MEF2C: variants seen among roughly 807,000 people sequenced by gnomAD.
The protein encoded by MEF2C is myocyte enhancer factor 2C, also known as myocyte-specific enhancer factor 2C.
Under a neutral mutation model 50.5 loss-of-function variants are expected in MEF2C, and 6 were observed. That is an observed-to-expected ratio of 0.12 (90% CI 0.07 to 0.23). The LOEUF (loss-of-function observed/expected upper bound fraction) is 0.23, where lower values mean the gene tolerates loss of function less well. MEF2C is among the 10% of genes least tolerant of loss of function. The pLI, the probability that MEF2C is intolerant of heterozygous loss-of-function variation, is 1.00. For missense variants in MEF2C, 276 were observed against 605.0 expected (o/e 0.46, Z 5.70); for synonymous variants, 183 against 228.0 (o/e 0.80, Z 1.78).
intron 1 of MEF2C, among the ~76,000 whole-genome samples, chr5:88,838,049 T>TATCAATATACCAATATTGG (rs574987399): frequency 1.1e-3 from 166 of 152,306 alleles, no homozygotes; most frequent in African/African-American, 3.8e-3. Flanking sequence ...AATATCAATA[T>TATCAATATACCAATATTGG]ATCAATATAC....
At chr5:88,851,565 A>T (rs180750142) in intron 1 of MEF2C, among the ~76,000 whole-genome samples, 2 of 152,116 alleles carry the variant, frequency 1.3e-5, no homozygotes, top group African/African-American at 4.8e-5. Context: ...AAACCCACTC[A>T]ATATAAACAG....
chr5:88,881,161 A>C (rs548631400), intron 1 of MEF2C: 1 of 152,300 alleles, frequency 6.6e-6, no homozygotes, highest in East Asian at 1.9e-4. Context: ...ATTTTAAGCA[A>C]ATGTTATGTT....
At position 88,739,136 on chromosome 5, in the gene MEF2C, G is replaced by T. The variant is rs541835097; in HGVS notation, c.638-7235C>A. 4,882 of 985,046 alleles carry T rather than the reference G, an allele frequency of 5.0e-3. 10 individuals carry two copies. The highest frequency in any genetic ancestry group is 5.7e-3 in the Non-Finnish European group (4,718 of 829,690). 61.0% of individuals were successfully genotyped at this position (985,046 alleles called of 1,614,324 possible). A position where few individuals can be genotyped will look rare whatever the true frequency, so the allele number is the denominator to read the frequency against. ...ACAGTGAAATGTCCAGTATTTTTTAGTATCTGCGATTAGTTGTTACCCGGG... is the reference window on the plus strand; with the variant it reads ...ACAGTGAAATGTCCAGTATTTTTTATTATCTGCGATTAGTTGTTACCCGGG... On this transcript the variant is annotated intron_variant, in intron 6 of 10. Coordinates refer to ENST00000504921, the MANE Select transcript of MEF2C (RefSeq NM_002397.5).
intron 4 of MEF2C, among the ~76,000 whole-genome samples, chr5:88,753,725 T>C (rs922306215): frequency 1.2e-4 from 18 of 152,168 alleles, no homozygotes; most frequent in Non-Finnish European, 4.4e-5. Context: ...AATAAAAATG[T>C]TCAAGTGATA....
At chr5:88,869,252 C>CATATATATATATATATATATATATACAT (rs1335766607) in intron 1 of MEF2C, among the ~76,000 whole-genome samples, 6 of 89,982 alleles carry the variant, frequency 6.7e-5, no homozygotes, top group South Asian at 7.3e-4. Flanking sequence ...AACTAGTTTT[C>CATATATATATATATATATATATATACAT]ATATATATAT....
chr5:88,870,305 A>C (rs896896964), intron 1 of MEF2C, among the ~76,000 whole-genome samples: 1 of 152,102 alleles, frequency 6.6e-6, no homozygotes, highest in East Asian at 1.9e-4. Flanking sequence ...TGAATATAAA[A>C]GTTTCTTAGA....
At chr5:88,742,182 C>A in intron 6 of MEF2C, 2 of 985,316 alleles carry the variant, frequency 2.0e-6, no homozygotes, top group Non-Finnish European at 2.4e-6. Context: ...AACCAAATCC[C>A]CCCTTCAGCA....
intron 10 of MEF2C, among the ~76,000 whole-genome samples, chr5:88,726,050 A>C (rs367606230): frequency 2.0e-5 from 3 of 152,300 alleles, no homozygotes; most frequent in African/African-American, 7.2e-5. Context: ...TGGTTAGATA[A>C]AATCAGATAC....
At chr5:88,807,100 CTA>C (rs1800792572) in intron 2 of MEF2C, among the ~76,000 whole-genome samples, 1 of 152,162 alleles carries the variant, frequency 6.6e-6, no homozygotes, top group Non-Finnish European at 1.5e-5. Context: ...AATAATTACA[CTA>C]TTTTATCATA....
chr5:88,801,338 G>A (rs1229721407), intron 3 of MEF2C, among the ~76,000 whole-genome samples: 3 of 152,010 alleles, frequency 2.0e-5, no homozygotes, highest in Admixed American at 6.5e-5. Flanking sequence ...TTTTACCCAG[G>A]AGCAGTAAAC....
At chr5:88,797,224 G>A (rs988634469) in intron 3 of MEF2C, among the ~76,000 whole-genome samples, 5 of 152,056 alleles carry the variant, frequency 3.3e-5, no homozygotes, top group Non-Finnish European at 7.3e-5. Context: ...TGACAGTGGG[G>A]TGTTAAAGTC....
At chr5:88,868,595 T>C (rs1561415179) in intron 1 of MEF2C, among the ~76,000 whole-genome samples, 2 of 152,176 alleles carry the variant, frequency 1.3e-5, no homozygotes, top group Non-Finnish European at 2.9e-5. Flanking sequence ...GTCTACTTTC[T>C]TGTAACACAC....
chr5:88,785,096 T>C (rs904765694), intron 3 of MEF2C, among the ~76,000 whole-genome samples: 3 of 152,138 alleles, frequency 2.0e-5, no homozygotes, highest in African/African-American at 7.2e-5. Flanking sequence ...AATTATCGTC[T>C]TTTGTCTCAA....
chr5:88,748,208 C>T, intron 6 of MEF2C: 1 of 982,838 alleles, frequency 1.0e-6, no homozygotes, highest in Admixed American at 6.2e-5. Context: ...TCTACTTGAC[C>T]CTGGCAAAAT....
chr5:88,823,847 C>G lies in MEF2C; in HGVS notation c.-59G>C. On this transcript the variant is annotated 5_prime_UTR_variant, in exon 2 of 11. Coordinates refer to ENST00000504921, the MANE Select transcript of MEF2C (RefSeq NM_002397.5). ...AATTATGTATTTTTTCCTTCCTTTT[C>G]TTTCTCTTTCCTGTTTCCTCCAAAC... 1 of 1,601,272 alleles carries G rather than the reference C, an allele frequency of 6.2e-7. No individual in the cohort carries two copies. The highest frequency in any genetic ancestry group is 8.5e-7 in the Non-Finnish European group (1 of 1,173,602).
At chr5:88,824,251 A>G in intron 1 of MEF2C, 1 of 951,154 alleles carries the variant, frequency 1.1e-6, no homozygotes, top group Non-Finnish European at 1.2e-6. Flanking sequence ...AAATTAGGTG[A>G]CAATTTCACC....
intron 1 of MEF2C, among the ~76,000 whole-genome samples, chr5:88,880,428 C>A (rs1393542468): frequency 6.6e-6 from 1 of 152,034 alleles, no homozygotes; most frequent in Non-Finnish European, 1.5e-5. Context: ...GCTATTTCCC[C>A]ATTTTTGTCA....
At chr5:88,735,853 A>G in intron 6 of MEF2C, 1 of 985,454 alleles carries the variant, frequency 1.0e-6, no homozygotes, top group Non-Finnish European at 1.2e-6. Context: ...TTGAACATGT[A>G]GCTCTCTTTG....
chr5:88,851,377 T>C (rs779897116), intron 1 of MEF2C, among the ~76,000 whole-genome samples: 1 of 152,194 alleles, frequency 6.6e-6, no homozygotes, highest in East Asian at 1.9e-4. Flanking sequence ...AAAAGTTATA[T>C]ACAAATCTTC....
Sources: allele counts gnomAD v4.1 joint callset (sites outside exome capture counted in the v4.1 genomes callset), GRCh38; gene constraint gnomAD v4.1.1; transcripts MANE v1.5; gene names NCBI Gene and HGNC (gene_info 2026-07-23, HGNC 2026-07-21).